The following GPR137C variants were observed in gnomAD, a reference collection of about 807,000 sequenced individuals.
GPR137C encodes G protein-coupled receptor 137C, also known as integral membrane protein GPR137C.
GPR137C carries 27 observed loss-of-function variants against 43.4 expected under a neutral mutation model. The ratio of observed to expected loss-of-function variants is 0.62; its 90% CI spans 0.46 to 0.86. The LOEUF is 0.86. GPR137C is among the 40% of genes least tolerant of loss of function. The pLI is 0.00. For missense variants in GPR137C, 522 were observed against 534.6 expected (o/e 0.98, Z 0.23); for synonymous variants, 285 against 226.9 (o/e 1.26, Z -2.30).
At chr14:52,575,738 A>G (rs2038540572) in intron 1 of GPR137C, among the ~76,000 whole-genome samples, 2 of 152,244 alleles carry the variant, frequency 1.3e-5, no homozygotes, top group South Asian at 4.1e-4. Context: ...GCCTTGAATT[A>G]GGAGTCAGGA....
chr14:52,626,338 C>G (rs2039227216), intron 3 of GPR137C, among the ~76,000 whole-genome samples: 1 of 151,844 alleles, frequency 6.6e-6, no homozygotes, highest in South Asian at 2.1e-4. Flanking sequence ...GATGTTTATC[C>G]TAGGAATGCA....
Position 52,636,608 on chromosome 14 carries a change from A to G in GPR137C, c.*1493A>G, listed in dbSNP as rs567777806. 3 of 152,266 alleles carry G rather than the reference A, an allele frequency of 2.0e-5. No individual in the cohort carries two copies. Among genetic ancestry groups the G allele is most frequent in the African/African-American group, 7.2e-5 (3 of 41,570 alleles). 9.4% of individuals were successfully genotyped at this position (152,266 alleles called of 1,614,324 possible). A position where few individuals can be genotyped will look rare whatever the true frequency, so the allele number is the denominator to read the frequency against. On this transcript the variant is annotated 3_prime_UTR_variant, in exon 7 of 7. Coordinates refer to ENST00000321662, the MANE Select transcript of GPR137C (RefSeq NM_001099652.2). ...CTTCAACTTTTTAACAACTGATACAATAACTTCATAAAAGTATAACACTAG... is the reference window on the plus strand; with the variant it reads ...CTTCAACTTTTTAACAACTGATACAGTAACTTCATAAAAGTATAACACTAG...
At chr14:52,591,643 A>G (rs2038785918) in intron 1 of GPR137C, among the ~76,000 whole-genome samples, 1 of 152,160 alleles carries the variant, frequency 6.6e-6, no homozygotes, top group Non-Finnish European at 1.5e-5. Flanking sequence ...GTGTCTGTTC[A>G]TATCCTTCGC....
chr14:52,574,392 A>G (rs2038519134), intron 1 of GPR137C, among the ~76,000 whole-genome samples: 1 of 152,206 alleles, frequency 6.6e-6, no homozygotes, highest in South Asian at 2.1e-4. Flanking sequence ...GCAGCCATAA[A>G]AAAGGATGAG....
intron 1 of GPR137C, among the ~76,000 whole-genome samples, chr14:52,581,031 GA>G (rs1286654931): frequency 6.6e-6 from 1 of 150,766 alleles, no homozygotes; most frequent in Non-Finnish European, 1.5e-5. Flanking sequence ...AAACCCCACT[GA>G]AAAGTACAAA....
At chr14:52,570,714 A>C (rs1274946280) in intron 1 of GPR137C, among the ~76,000 whole-genome samples, 1 of 152,206 alleles carries the variant, frequency 6.6e-6, no homozygotes, top group Non-Finnish European at 1.5e-5. Flanking sequence ...CTGATAAAGC[A>C]GACTTTAAAC....
At position 52,591,645 on chromosome 14, in the gene GPR137C, A is replaced by G. The variant is rs556323248; in HGVS notation, c.445-6627A>G. Among the ~76,000 whole-genome samples, 4 of 152,254 alleles carry G rather than the reference A, an allele frequency of 2.6e-5. No individual in the cohort carries two copies. In the South Asian group the frequency reaches 8.3e-4, roughly 32 times the overall value. On this transcript the variant is annotated intron_variant, in intron 1 of 6. Coordinates refer to ENST00000321662, the MANE Select transcript of GPR137C (RefSeq NM_001099652.2). ...TGTCTTTTCAGAAGTGTCTGTTCAT[A>G]TCCTTCGCCCACTTTTTGATGGTGT...
intron 1 of GPR137C, among the ~76,000 whole-genome samples, chr14:52,574,789 A>G (rs1033417889): frequency 6.6e-6 from 1 of 152,162 alleles, no homozygotes; most frequent in African/African-American, 2.4e-5. Context: ...CTTCTGATAC[A>G]TTCTGCTCCT....
intron 1 of GPR137C, among the ~76,000 whole-genome samples, chr14:52,569,529 G>A (rs2038431485): frequency 1.3e-5 from 2 of 151,916 alleles, no homozygotes; most frequent in African/African-American, 4.8e-5. Context: ...CCAATGCAAG[G>A]AAGCTAAGAA....
chr14:52,577,606 G>GAGAGAGGATTCAAATAAGAAC (rs2038580640), intron 1 of GPR137C, among the ~76,000 whole-genome samples: 1 of 150,952 alleles, frequency 6.6e-6, no homozygotes, highest in Admixed American at 6.6e-5. Context: ...AACAAAAGAA[G>GAGAGAGGATTCAAATAAGAAC]AGAGAGGATT....
chr14:52,633,951 A>G lies in GPR137C; in HGVS notation c.1112+5A>G. 6.6e-7 allele frequency: 1 copy of G among 1,512,994 alleles called. No individual in the cohort carries two copies. Among genetic ancestry groups the G allele is most frequent in the Non-Finnish European group, 9.2e-7 (1 of 1,088,362 alleles). The allele number at this position is 1,512,994 out of a possible 1,614,324, so 93.7% of individuals were successfully genotyped here. ...GGGAAGTTCAAGAGAAGGAAGGTAG[A>G]TGTAACAAAGCCACTTAGCCTGAAT... On this transcript the variant is annotated splice_donor_5th_base_variant and intron_variant, in intron 6 of 6. Coordinates refer to ENST00000321662, the MANE Select transcript of GPR137C (RefSeq NM_001099652.2).
intron 1 of GPR137C, among the ~76,000 whole-genome samples, chr14:52,566,187 T>A (rs2038366993): frequency 6.6e-6 from 1 of 152,178 alleles, no homozygotes; most frequent in Admixed American, 6.5e-5. Flanking sequence ...TTCAAATTTG[T>A]ACCTTCTCTT....
chr14:52,577,516 G>GCGCACACACACACACACA (rs369713179), intron 1 of GPR137C, among the ~76,000 whole-genome samples: 2,028 of 145,362 alleles, frequency 0.014, 16 homozygotes, highest in Middle Eastern at 0.024. Flanking sequence ...GCGCGCGCGC[G>GCGCACACACACACACACA]CACACACACA....
intron 1 of GPR137C, among the ~76,000 whole-genome samples, chr14:52,571,317 T>A (rs1442102605): frequency 1.3e-5 from 2 of 152,154 alleles, no homozygotes; most frequent in Non-Finnish European, 2.9e-5. Flanking sequence ...TACCAGAATC[T>A]CTGGGACATA....
Position 52,624,581 on chromosome 14 carries a change from G to A in GPR137C, c.718-7579G>A, listed in dbSNP as rs200358641. 4.3e-3 allele frequency among the ~76,000 whole-genome samples: 196 copies of A among 45,666 alleles called. 1 individual carries two copies. In the South Asian group the frequency reaches 0.051, roughly 12 times the overall value. The allele number at this position is 45,666 out of a possible 152,430, so 30.0% of individuals were successfully genotyped here. ...TCTACAAAAAATACAAAAATTAGCC[G>A]GGTGTGGTGGTATGCACCTGTAGTC... On this transcript the variant is annotated intron_variant, in intron 3 of 6. Coordinates refer to ENST00000321662, the MANE Select transcript of GPR137C (RefSeq NM_001099652.2).
Position 52,553,507 on chromosome 14 carries a change from C to G in GPR137C, c.360C>G (p.His120Gln), listed in dbSNP as rs748312487. Reference protein sequence around the residue: ...LPLLRPPAHLHFFPHWLLYCF... With the variant: ...LPLLRPPAHLQFFPHWLLYCF... ...TGCTCCGGCCGCCCGCTCACCTGCA[C>G]TTCTTCCCCCACTGGCTGCTCTACT... The change falls in exon 1 of 7, where the codon CAC becomes CAG. Residue 120 changes from histidine (H) to glutamine (Q), a missense_variant. His to Gln is a conservative substitution (Grantham distance 24). Coordinates refer to ENST00000321662, the MANE Select transcript of GPR137C (RefSeq NM_001099652.2). 2 of 1,609,178 alleles carry G rather than the reference C, an allele frequency of 1.2e-6. No homozygotes were observed. Among genetic ancestry groups the G allele is most frequent in the Admixed American group, 1.7e-5 (1 of 59,950 alleles).
rs551573542 is a variant in GPR137C, at chr14:52,623,360, G to A, written c.718-8800G>A. Reference sequence around the variant, plus strand: ...CATTCAGCAATGTCAATTATATAAGGCTATACTAGTTTCTAAGCTATTGTG... The same window carrying A: ...CATTCAGCAATGTCAATTATATAAGACTATACTAGTTTCTAAGCTATTGTG... On this transcript the variant is annotated intron_variant, in intron 3 of 6. Transcript: ENST00000321662. Among the ~76,000 whole-genome samples the A allele has an allele frequency of 3.3e-5, 5 of 152,082 alleles. No homozygotes were observed. The South Asian group carries it at 1.0e-3, about 32-fold the overall frequency.
intron 1 of GPR137C, chr14:52,596,815 C>G (rs982321988): frequency 4.8e-6 from 2 of 418,564 alleles, no homozygotes; most frequent in South Asian, 1.7e-5. Flanking sequence ...TCAGCTCACC[C>G]TCCATGGGCT....
intron 3 of GPR137C, among the ~76,000 whole-genome samples, chr14:52,603,520 A>T (rs905871912): frequency 6.6e-6 from 1 of 152,088 alleles, no homozygotes; most frequent in African/African-American, 2.4e-5. Context: ...AGGAACTTCC[A>T]TACTGCTTTT....
Sources: gnomAD v4.1 joint callset for allele counts (sites outside exome capture counted in the v4.1 genomes callset) on GRCh38, gnomAD v4.1.1 for gene constraint, MANE v1.5 for transcripts, NCBI Gene and HGNC (gene_info 2026-07-23, HGNC 2026-07-21) for gene names.